WWOX: variants seen among roughly 807,000 people sequenced by gnomAD.
The protein encoded by WWOX is WW domain-containing oxidoreductase.
Under a neutral mutation model 46.2 loss-of-function variants are expected in WWOX, and 69 were observed. That is an observed-to-expected ratio of 1.49 (90% confidence interval 1.23 to 1.82). The LOEUF is 1.82. Ranked by LOEUF, WWOX falls within the 40% of genes most tolerant of loss-of-function variation. The probability of loss-of-function intolerance (pLI) is 0.00; values close to 1 mark genes in which losing one functional copy is unlikely to be tolerated. For missense variants in WWOX, 919 were observed against 542.6 expected (o/e 1.69, Z -6.89); for synonymous variants, 359 against 202.6 (o/e 1.77, Z -6.56).
intron 6 of WWOX, among the ~76,000 whole-genome samples, chr16:78,406,630 T>A (rs1323464365): frequency 6.7e-6 from 1 of 149,652 alleles, no homozygotes; most frequent in African/African-American, 2.4e-5. Flanking sequence ...ATATACATTT[T>A]TTTTTTTTTT....
intron 4 of WWOX, among the ~76,000 whole-genome samples, chr16:78,145,766 C>T (rs2034177873): frequency 6.6e-6 from 1 of 152,112 alleles, no homozygotes; most frequent in African/African-American, 2.4e-5. Context: ...CAGATTTCCC[C>T]TTTTCATAAG....
intron 7 of WWOX, among the ~76,000 whole-genome samples, chr16:78,428,788 C>T (rs780475172): frequency 2.6e-5 from 4 of 152,078 alleles, no homozygotes; most frequent in Non-Finnish European, 5.9e-5. Context: ...CAGGAGGATC[C>T]CTTGAGCTCA....
chr16:78,919,399 C>T (rs1013372045), intron 8 of WWOX, among the ~76,000 whole-genome samples: 1 of 152,156 alleles, frequency 6.6e-6, no homozygotes, highest in African/African-American at 2.4e-5. Context: ...GTGTATTTTG[C>T]TCCATGGTCT....
At chr16:78,620,666 A>G (rs1291111753) in intron 8 of WWOX, among the ~76,000 whole-genome samples, 1 of 150,680 alleles carries the variant, frequency 6.6e-6, no homozygotes, top group East Asian at 2.0e-4. Context: ...CTTGTACTGC[A>G]CAAGAATTGA....
At chr16:79,189,531 C>A (rs1567607082) in intron 8 of WWOX, among the ~76,000 whole-genome samples, 1 of 151,170 alleles carries the variant, frequency 6.6e-6, no homozygotes, top group Admixed American at 6.6e-5. Flanking sequence ...AAACTCCTAG[C>A]TTCAAGCGAT....
rs1357610974 is a variant in WWOX, at chr16:78,978,719, G to A, written c.1057-232889G>A. 3.3e-5 allele frequency among the ~76,000 whole-genome samples: 5 copies of A among 152,124 alleles called. 1 individual carries two copies. Among genetic ancestry groups the A allele is most frequent in the South Asian group, 4.1e-4 (2 of 4,820 alleles). On this transcript the variant is annotated intron_variant, in intron 8 of 8. Coordinates refer to ENST00000566780, the MANE Select transcript of WWOX (RefSeq NM_016373.4). Reference sequence around the variant, plus strand: ...AGCAACAGAGAGCGACTGGGGAGGCGCTACACACTTTTCAACCACCGAATC... The same window carrying A: ...AGCAACAGAGAGCGACTGGGGAGGCACTACACACTTTTCAACCACCGAATC...
At chr16:79,152,092 T>G (rs1051919727) in intron 8 of WWOX, among the ~76,000 whole-genome samples, 1 of 152,224 alleles carries the variant, frequency 6.6e-6, no homozygotes, top group Admixed American at 6.5e-5. Flanking sequence ...CTAATACTAT[T>G]GAGAAGTTTA....
intron 8 of WWOX, among the ~76,000 whole-genome samples, chr16:78,475,034 T>C (rs796143064): frequency 3.0e-4 from 45 of 152,336 alleles, no homozygotes; most frequent in African/African-American, 1.1e-3. Context: ...CTAACAGTGC[T>C]AACATAGCCA....
At chr16:78,817,435 A>G (rs1055188679) in intron 8 of WWOX, among the ~76,000 whole-genome samples, 2 of 151,964 alleles carry the variant, frequency 1.3e-5, no homozygotes, top group South Asian at 2.1e-4. Context: ...GCTACCAACA[A>G]TCATAAAACT....
chr16:78,524,935 G>T (rs1194175489), intron 8 of WWOX, among the ~76,000 whole-genome samples: 3 of 144,654 alleles, frequency 2.1e-5, no homozygotes, highest in African/African-American at 7.7e-5. Flanking sequence ...ACGTGATCAA[G>T]GCTCACTGCA....
In WWOX at chr16:79,170,937, T is replaced by C. The variant is rs2050688333; in HGVS notation, c.1057-40671T>C. On this transcript the variant is annotated intron_variant, in intron 8 of 8. Transcript: ENST00000566780. ...GCCTTGCCTACAAATTTTTAATACA[T>C]TGACTTATCTAAATATTCCTGCATG... is the stretch of plus-strand genomic sequence containing the variant. 2.0e-5 allele frequency among the ~76,000 whole-genome samples: 3 copies of C among 152,220 alleles called. No individual in the cohort carries two copies. The South Asian group carries it at 6.2e-4, about 31-fold the overall frequency.
In WWOX at chr16:78,283,460, G is replaced by A. The variant is rs191290746; in HGVS notation, c.517-103400G>A. ...ATAACTTTTGTTTAGTGAAACTCAA[G>A]GCTTTTCAGGATGCTGTGCTAATGT... is the stretch of plus-strand genomic sequence containing the variant. On this transcript the variant is annotated intron_variant, in intron 5 of 8. Coordinates refer to ENST00000566780, the MANE Select transcript of WWOX (RefSeq NM_016373.4). Among the ~76,000 whole-genome samples the A allele has an allele frequency of 7.2e-5, 11 of 152,260 alleles. No individual in the cohort carries two copies. The East Asian group carries it at 2.1e-3, about 29-fold the overall frequency.
chr16:79,026,494 A>G (rs1251904864), intron 8 of WWOX, among the ~76,000 whole-genome samples: 1 of 151,266 alleles, frequency 6.6e-6, no homozygotes, highest in African/African-American at 2.5e-5. Context: ...TCATGTGATC[A>G]TTGATCAGGG....
At chr16:78,417,191 G>C (rs899227842) in intron 6 of WWOX, among the ~76,000 whole-genome samples, 4 of 152,104 alleles carry the variant, frequency 2.6e-5, no homozygotes, top group Admixed American at 2.6e-4. Context: ...TCCCACCTCA[G>C]CTTCCCAAGT....
intron 8 of WWOX, among the ~76,000 whole-genome samples, chr16:78,870,440 G>T (rs2044101666): frequency 1.3e-5 from 2 of 151,754 alleles, no homozygotes. Context: ...GCCATCATGG[G>T]GATAACCGGA....
At chr16:78,131,502 A>G (rs941428124) in intron 4 of WWOX, among the ~76,000 whole-genome samples, 1 of 152,126 alleles carries the variant, frequency 6.6e-6, no homozygotes, top group Non-Finnish European at 1.5e-5. Flanking sequence ...GGTGTGAGCC[A>G]CCACATCTGG....
chr16:79,039,218 G>T (rs556694485), intron 8 of WWOX, among the ~76,000 whole-genome samples: 5 of 152,202 alleles, frequency 3.3e-5, no homozygotes, highest in Non-Finnish European at 7.4e-5. Flanking sequence ...GTTTTGTTCA[G>T]GGGTTGCAGA....
Position 79,046,207 on chromosome 16 carries a change from A to T in WWOX, c.1057-165401A>T, listed in dbSNP as rs16949396. Among the ~76,000 whole-genome samples, 6 of 152,186 alleles carry T rather than the reference A, an allele frequency of 3.9e-5. No homozygotes were observed. In the East Asian group the frequency reaches 5.8e-4, roughly 15 times the overall value. ...AGTAGCCACTGTTATTATTATTGTC[A>T]GTATGTATCCAAGTGTTTAGTTCAT... On this transcript the variant is annotated intron_variant, in intron 8 of 8. Coordinates refer to ENST00000566780, the MANE Select transcript of WWOX (RefSeq NM_016373.4).
At chr16:78,627,629 CAAAG>C (rs1207471035) in intron 8 of WWOX, among the ~76,000 whole-genome samples, 1 of 152,112 alleles carries the variant, frequency 6.6e-6, no homozygotes, top group African/African-American at 2.4e-5. Flanking sequence ...AATAGGAAGA[CAAAG>C]AATGAATGTG....
Sources: allele counts gnomAD v4.1 joint callset (sites outside exome capture counted in the v4.1 genomes callset), GRCh38; gene constraint gnomAD v4.1.1; transcripts MANE v1.5; gene names NCBI Gene and HGNC (gene_info 2026-07-23, HGNC 2026-07-21).